The following EPC1 variants were observed in gnomAD, a reference collection of about 807,000 sequenced individuals.
EPC1 encodes the protein enhancer of polycomb 1.
Under a neutral mutation model 98.4 loss-of-function variants are expected in EPC1, and 12 were observed. The ratio of observed to expected loss-of-function variants is 0.12; its 90% CI spans 0.08 to 0.20. EPC1 has a LOEUF of 0.20. Among genes scored for constraint, EPC1 ranks in the 10% least tolerant of loss-of-function variants. The pLI, the probability that EPC1 is intolerant of heterozygous loss-of-function variation, is 1.00. For missense variants in EPC1, 729 were observed against 990.5 expected, an observed-to-expected ratio of 0.74 and a Z score of 3.54; for synonymous variants, 357 against 363.9, an observed-to-expected ratio of 0.98 and a Z score of 0.21.
At chr10:32,324,735 T>C (rs191435539) in intron 1 of EPC1, among the ~76,000 whole-genome samples, 92 of 152,228 alleles carry the variant, frequency 6.0e-4, no homozygotes, top group African/African-American at 2.1e-3. Context: ...GGCTCAAGAC[T>C]GTAATCCCAG....
At chr10:32,321,643 T>TAAA (rs991844482) in intron 1 of EPC1, among the ~76,000 whole-genome samples, 1 of 145,184 alleles carries the variant, frequency 6.9e-6, no homozygotes, top group Non-Finnish European at 1.5e-5. Context: ...TAATATTAAG[T>TAAA]AAAAAAAAAA....
chr10:32,336,705 G>A (rs1218519030), intron 1 of EPC1, among the ~76,000 whole-genome samples: 1 of 151,738 alleles, frequency 6.6e-6, no homozygotes, highest in African/African-American at 2.4e-5. Context: ...AACTCTTAAC[G>A]ACTGACATGC....
At chr10:32,368,276 A>C (rs951178987) in intron 1 of EPC1, among the ~76,000 whole-genome samples, 5 of 151,992 alleles carry the variant, frequency 3.3e-5, no homozygotes, top group African/African-American at 1.2e-4. Context: ...GGGATTCCAA[A>C]CCCTCCCTGT....
chr10:32,358,458 A>G (rs946109118), intron 1 of EPC1, among the ~76,000 whole-genome samples: 3 of 152,034 alleles, frequency 2.0e-5, no homozygotes, highest in African/African-American at 4.8e-5. Context: ...AGCCTGGGCA[A>G]CATAATGAGA....
chr10:32,346,562 G>T, intron 1 of EPC1: 1 of 580,118 alleles, frequency 1.7e-6, no homozygotes, highest in Non-Finnish European at 3.0e-6. Flanking sequence ...GTCAGCGGGT[G>T]GCCTTAGAAG....
At chr10:32,300,241 T>C (rs185958105) in intron 2 of EPC1, among the ~76,000 whole-genome samples, 1 of 151,918 alleles carries the variant, frequency 6.6e-6, no homozygotes, top group East Asian at 1.9e-4. Context: ...TCTAGCATTT[T>C]TTTTAAATTT....
intron 2 of EPC1, among the ~76,000 whole-genome samples, chr10:32,304,833 C>G (rs1431222657): frequency 2.7e-5 from 4 of 150,930 alleles, no homozygotes; most frequent in African/African-American, 9.7e-5. Flanking sequence ...GCAGGAGAAT[C>G]CCTTGAACCC....
chr10:32,323,222 T>C (rs923326550), intron 1 of EPC1, among the ~76,000 whole-genome samples: 1 of 152,160 alleles, frequency 6.6e-6, no homozygotes, highest in African/African-American at 2.4e-5. Context: ...TTCTTCCTTT[T>C]CACCGAGTCC....
Position 32,289,021 on chromosome 10 carries a change from G to A in EPC1, c.976-1747C>T, listed in dbSNP as rs776940508. Among the ~76,000 whole-genome samples, 5 of 151,988 alleles carry A rather than the reference G, an allele frequency of 3.3e-5. No individual in the cohort carries two copies. In the East Asian group the frequency reaches 5.8e-4, roughly 18 times the overall value. ...GGAGAATCGCTTGAACCCAGGAGGC[G>A]GAGGTTGCAGTGAGCCAAGATTGCG... On this transcript the variant is annotated intron_variant, in intron 6 of 13. Coordinates refer to ENST00000319778, the MANE Select transcript of EPC1 (RefSeq NM_001272004.3).
chr10:32,335,869 G>A (rs375218818), intron 1 of EPC1, among the ~76,000 whole-genome samples: 10 of 152,096 alleles, frequency 6.6e-5, no homozygotes, highest in East Asian at 1.9e-4. Context: ...AAACTCAAGC[G>A]TGTCCCTCTT....
intron 10 of EPC1, chr10:32,273,953 T>G (rs1489253909): frequency 6.6e-6 from 1 of 152,050 alleles, no homozygotes; most frequent in African/African-American, 2.4e-5. Context: ...AGAACGGAGT[T>G]GTTTATGTTG....
upstream of EPC1, among the ~76,000 whole-genome samples, chr10:32,349,537 C>G (rs979191536): frequency 5.9e-5 from 9 of 152,164 alleles, no homozygotes; most frequent in African/African-American, 2.2e-4. Flanking sequence ...TTCCCAAGGA[C>G]TCAAAGGCTG....
At chr10:32,354,326 C>T (rs1236473895) in intron 1 of EPC1, among the ~76,000 whole-genome samples, 11 of 151,886 alleles carry the variant, frequency 7.2e-5, no homozygotes, top group South Asian at 2.1e-4. Context: ...TGGTGGTGGG[C>T]GCCTGTAATC....
rs756325637 is a variant in EPC1 at position 32,271,583 on chromosome 10, T to C, written c.2340A>G (p.Pro780=). Residue 780 remains proline (P), a synonymous_variant, in exon 13 of 14, where the codon CCA becomes CCG. Transcript: ENST00000319778. Reference sequence around the variant, plus strand: ...GAACTGAATCTACAGAGGATGAAGATGGGACCTTGGAAACTTGACAGTTTG... The same window carrying C: ...GAACTGAATCTACAGAGGATGAAGACGGGACCTTGGAAACTTGACAGTTTG... ...AAANCQVSKV[P]SSSSVDSVPR... The C allele has an allele frequency of 1.5e-5, 24 of 1,614,044 alleles. No individual in the cohort carries two copies. The highest frequency in any genetic ancestry group is 4.5e-5 in the East Asian group (2 of 44,890).
chr10:32,299,465 C>A (rs796611327), intron 2 of EPC1, among the ~76,000 whole-genome samples: 2 of 152,076 alleles, frequency 1.3e-5, no homozygotes, highest in African/African-American at 2.4e-5. Flanking sequence ...GGATTACAGG[C>A]GTGAGTCCCC....
At chr10:32,275,852 G>A (rs977344962) in intron 10 of EPC1, among the ~76,000 whole-genome samples, 2 of 151,690 alleles carry the variant, frequency 1.3e-5, no homozygotes, top group African/African-American at 2.4e-5. Flanking sequence ...CAGGAGAATC[G>A]CTTGAACCCG....
At chr10:32,299,183 T>C (rs1262437765) in intron 2 of EPC1, among the ~76,000 whole-genome samples, 2 of 152,130 alleles carry the variant, frequency 1.3e-5, no homozygotes, top group Admixed American at 6.5e-5. Context: ...TAATGGCTTT[T>C]TTGTTTTGTT....
intron 1 of EPC1, among the ~76,000 whole-genome samples, chr10:32,328,139 T>C (rs1837415365): frequency 6.6e-6 from 1 of 151,570 alleles, no homozygotes; most frequent in South Asian, 2.1e-4. Flanking sequence ...AAAGGAAGAG[T>C]ATCAAATCAA....
intron 1 of EPC1, among the ~76,000 whole-genome samples, chr10:32,336,474 A>T (rs972881319): frequency 1.4e-4 from 21 of 152,200 alleles, no homozygotes; most frequent in African/African-American, 4.8e-4. Flanking sequence ...CTGGAACTCA[A>T]GTGAATGCTA....
Sources: allele counts gnomAD v4.1 joint callset (sites outside exome capture counted in the v4.1 genomes callset), GRCh38; gene constraint gnomAD v4.1.1; transcripts MANE v1.5; gene names NCBI Gene and HGNC (gene_info 2026-07-23, HGNC 2026-07-21).